ITLN1: variants seen among roughly 807,000 people sequenced by gnomAD.
The protein encoded by ITLN1 is intelectin 1.
ITLN1 carries 29 observed loss-of-function variants against 36.2 expected under a neutral mutation model. The ratio of observed to expected loss-of-function variants is 0.80; its 90% CI spans 0.60 to 1.09. The LOEUF (loss-of-function observed/expected upper bound fraction) is 1.09, where lower values mean the gene tolerates loss of function less well. ITLN1 is among the 50% of genes least tolerant of loss of function. ITLN1 has a pLI of 0.00. For synonymous variants in ITLN1, 143 were observed against 146.5 expected (o/e 0.98, Z 0.17); for missense variants, 358 against 405.2 (o/e 0.88, Z 1.00).
At chr1:160,878,359 C>A (rs1231301294) in intron 7 of ITLN1, among the ~76,000 whole-genome samples, 2 of 151,674 alleles carry the variant, frequency 1.3e-5, no homozygotes, top group Non-Finnish European at 2.9e-5. Flanking sequence ...TATAAATTAC[C>A]CAGTCTCAGA....
At chr1:160,877,843 A>C (rs1285035816) in intron 7 of ITLN1, among the ~76,000 whole-genome samples, 1 of 152,176 alleles carries the variant, frequency 6.6e-6, no homozygotes, top group East Asian at 1.9e-4. Flanking sequence ...CATGATAGTG[A>C]GTGACTTCTC....
At chr1:160,879,031 GC>G (rs1359235453) in intron 7 of ITLN1, among the ~76,000 whole-genome samples, 1 of 152,138 alleles carries the variant, frequency 6.6e-6, no homozygotes, top group Non-Finnish European at 1.5e-5. Context: ...CCAGCTCCAA[GC>G]GATTGAGTGT....
At chr1:160,883,983 CG>C (rs1204936890) in intron 2 of ITLN1, among the ~76,000 whole-genome samples, 3 of 152,062 alleles carry the variant, frequency 2.0e-5, no homozygotes, top group African/African-American at 7.2e-5. Context: ...AGACAGTAAG[CG>C]GGGCAGTTGC....
chr1:160,877,342 CTT>C (rs1250683131), intron 7 of ITLN1, among the ~76,000 whole-genome samples: 1 of 152,146 alleles, frequency 6.6e-6, no homozygotes, highest in Non-Finnish European at 1.5e-5. Flanking sequence ...TGCCTGTTCT[CTT>C]CTTTCATAAA....
At chr1:160,882,628 A>G (rs1461292104) in intron 3 of ITLN1, among the ~76,000 whole-genome samples, 3 of 152,182 alleles carry the variant, frequency 2.0e-5, no homozygotes, top group Non-Finnish European at 2.9e-5. Context: ...GTGTGTGTGC[A>G]TATATGTATC....
intron 6 of ITLN1, among the ~76,000 whole-genome samples, chr1:160,880,143 A>G (rs2101909276): frequency 6.6e-6 from 1 of 152,194 alleles, no homozygotes; most frequent in South Asian, 2.1e-4. Flanking sequence ...CATCTCTACT[A>G]AAAATACAAA....
In ITLN1 at chr1:160,883,439, G is replaced by T; in HGVS notation, c.146C>A (p.Pro49His). Residue 49 changes from proline to histidine, a missense_variant, in exon 3 of 8, where the codon CCT (proline) becomes CAT (histidine). Transcript: ENST00000326245. ...GTTTCATCACTCACCAAATGCACTA[G>T]GACATTCGTCTTTGATTTCCTTGCA... ...RSCKEIKDECPSAFDGLYFLR... is the reference protein window; with the variant it reads ...RSCKEIKDECHSAFDGLYFLR... 6.2e-7 allele frequency: 1 copy of T among 1,610,896 alleles called. No homozygotes were observed. The highest frequency in any genetic ancestry group is 1.1e-5 in the South Asian group (1 of 90,988).
At chr1:160,881,825 AGAT>A in intron 4 of ITLN1, 129 bp downstream of exon 4, 5 of 1,066,026 alleles carry the variant, frequency 4.7e-6, no homozygotes, top group African/African-American at 3.3e-5. Flanking sequence ...AAAAAAAAAA[AGAT>A]ATAAGTATTT....
At chr1:160,880,465 T>G in intron 6 of ITLN1, 123 bp downstream of exon 6, 1 of 924,124 alleles carries the variant, frequency 1.1e-6, no homozygotes, top group Non-Finnish European at 1.6e-6. Flanking sequence ...GCAAATCAAG[T>G]GGGGCAATAT....
chr1:160,877,244 A>G (rs1472969920), intron 7 of ITLN1, among the ~76,000 whole-genome samples: 1 of 152,022 alleles, frequency 6.6e-6, no homozygotes, highest in Non-Finnish European at 1.5e-5. Flanking sequence ...CTCAAAAGAA[A>G]AAAAAAAAAA....
At position 160,876,624 on chromosome 1, in the gene ITLN1, T is replaced by C. The variant is rs760501111; in HGVS notation, c.*40A>G. 3.1e-6 allele frequency: 5 copies of C among 1,606,134 alleles called. No individual in the cohort carries two copies. Among genetic ancestry groups the C allele is most frequent in the East Asian group, 2.2e-5 (1 of 44,814 alleles). On this transcript the variant is annotated 3_prime_UTR_variant, in exon 8 of 8. Coordinates refer to ENST00000326245, the MANE Select transcript of ITLN1 (RefSeq NM_017625.3). ...GTTGTTCTCCATCCTTGGGATCTCA[T>C]GGTTGGGAGGAGAGGTCTGGGTTCC...
chr1:160,881,944 A>G lies in ITLN1; in HGVS notation c.405+13T>C. On this transcript the variant is annotated intron_variant, in intron 4 of 7. Transcript: ENST00000326245. ...CCTCACCCTCACCCGAGTGGGTAAG[A>G]AGTGGCACCAACCTTGTAGTCATCG... 6.2e-7 allele frequency: 1 copy of G among 1,614,142 alleles called. No homozygotes were observed. The highest frequency in any genetic ancestry group is 1.3e-5 in the African/African-American group (1 of 75,008).
At chr1:160,881,352 G>A (rs761514234) in intron 4 of ITLN1, 40 bp from the exon 5 acceptor site, 29 of 1,523,702 alleles carry the variant, frequency 1.9e-5, no homozygotes, top group Non-Finnish European at 2.6e-5. Context: ...GGGCCAGGAG[G>A]TCCCAGGAGG....
In ITLN1 at chr1:160,881,332, G is replaced by A; in HGVS notation, c.406-20C>T. ...AGGGTTCTGGAAAGCAACAGACACT[G>A]AGCCTGACTGGGCCAGGAGGTCCCA... On this transcript the variant is annotated intron_variant, in intron 4 of 7. Coordinates refer to ENST00000326245, the MANE Select transcript of ITLN1 (RefSeq NM_017625.3). The A allele has an allele frequency of 3.2e-6, 5 of 1,557,942 alleles. No individual in the cohort carries two copies. The highest frequency in any genetic ancestry group is 4.3e-6 in the Non-Finnish European group (5 of 1,151,398).
rs751071494 is a variant in ITLN1, at chr1:160,884,869, T to A, written c.9A>T (p.Gln3His). 3.7e-6 allele frequency: 6 copies of A among 1,612,372 alleles called. No individual in the cohort carries two copies. Among genetic ancestry groups the A allele is most frequent in the African/African-American group, 1.3e-5 (1 of 74,852 alleles). MN[Q>H]LSFLLFLIAT... ...CTATGAGAAACAGCAGGAAGCTGAGTTGGTTCATTGTAATCTAAAGAAAGC... is the reference window on the plus strand; with the variant it reads ...CTATGAGAAACAGCAGGAAGCTGAGATGGTTCATTGTAATCTAAAGAAAGC... Residue 3 changes from glutamine (Q) to histidine (H), a missense_variant, in exon 2 of 8, where the codon CAA becomes CAT. Gln to His is a conservative substitution (Grantham distance 24). Transcript: ENST00000326245.
chr1:160,880,384 G>T (rs1251496978), intron 6 of ITLN1, among the ~76,000 whole-genome samples: 1 of 151,954 alleles, frequency 6.6e-6, no homozygotes, highest in Non-Finnish European at 1.5e-5. Flanking sequence ...ATCTTCACAA[G>T]TTTCTAAACC....
intron 7 of ITLN1, 78 bp from the exon 8 acceptor site, chr1:160,876,894 G>C: frequency 4.8e-6 from 7 of 1,451,472 alleles, no homozygotes; most frequent in Non-Finnish European, 6.7e-6. Flanking sequence ...GCTGAATCCA[G>C]TGATTTCTTT....
At chr1:160,884,161 A>C (rs1295821721) in intron 2 of ITLN1, among the ~76,000 whole-genome samples, 1 of 151,876 alleles carries the variant, frequency 6.6e-6, no homozygotes, top group Non-Finnish European at 1.5e-5. Flanking sequence ...AAAAAAAAAA[A>C]ATACAGCGTA....
chr1:160,884,959 TTACAAA>T, intron 1 of ITLN1, 76 bp from the exon 2 acceptor site: 1 of 904,458 alleles, frequency 1.1e-6, no homozygotes, highest in South Asian at 1.4e-5. Context: ...CTGTCCAGTC[TTACAAA>T]GACTCCAAAA....
Sources: gnomAD v4.1 joint callset for allele counts (sites outside exome capture counted in the v4.1 genomes callset) on GRCh38, gnomAD v4.1.1 for gene constraint, MANE v1.5 for transcripts, NCBI Gene and HGNC (gene_info 2026-07-23, HGNC 2026-07-21) for gene names.